Variants in HS6ST3 observed in about 807,000 individuals in gnomAD.
The protein encoded by HS6ST3 is heparan sulfate 6-O-sulfotransferase 3.
Under a neutral mutation model 36.7 loss-of-function variants are expected in HS6ST3, and 12 were observed. That is an observed-to-expected ratio of 0.33 (90% CI 0.21 to 0.53). The LOEUF is 0.53. HS6ST3 is among the 20% of genes least tolerant of loss of function. The pLI is 0.95. For synonymous variants in HS6ST3, 240 were observed against 257.5 expected (o/e 0.93, Z 0.65); for missense variants, 584 against 640.9 (o/e 0.91, Z 0.96).
intron 1 of HS6ST3, among the ~76,000 whole-genome samples, chr13:96,160,406 A>G (rs542242386): frequency 6.6e-6 from 1 of 152,120 alleles, no homozygotes; most frequent in East Asian, 1.9e-4. Flanking sequence ...TTGAAACAGA[A>G]CTCTGTGGAT....
intron 1 of HS6ST3, among the ~76,000 whole-genome samples, chr13:96,548,280 C>T (rs908463702): frequency 7.2e-5 from 11 of 152,122 alleles, no homozygotes; most frequent in African/African-American, 2.4e-4. Context: ...CCAGACGCAC[C>T]TTGCTTATCC....
chr13:96,468,833 G>A (rs17189979), intron 1 of HS6ST3, among the ~76,000 whole-genome samples: 47,964 of 151,988 alleles, frequency 0.32, 9,367 homozygotes, highest in Non-Finnish European at 0.44. Flanking sequence ...AAGAAGATAC[G>A]CCTTCACTGA....
At chr13:96,435,745 A>T (rs2055638497) in intron 1 of HS6ST3, among the ~76,000 whole-genome samples, 1 of 152,112 alleles carries the variant, frequency 6.6e-6, no homozygotes, top group South Asian at 2.1e-4. Flanking sequence ...TGATCTTTAA[A>T]CAAGCAAACA....
At chr13:96,486,253 G>A (rs1368292210) in intron 1 of HS6ST3, among the ~76,000 whole-genome samples, 2 of 151,870 alleles carry the variant, frequency 1.3e-5, no homozygotes, top group Non-Finnish European at 2.9e-5. Flanking sequence ...TTTTCTTGAT[G>A]CAGTCTATCA....
intron 1 of HS6ST3, among the ~76,000 whole-genome samples, chr13:96,244,259 A>C (rs886592842): frequency 6.6e-6 from 1 of 152,194 alleles, no homozygotes; most frequent in Non-Finnish European, 1.5e-5. Flanking sequence ...ACTGCAACTG[A>C]GATTAGATAA....
intron 1 of HS6ST3, among the ~76,000 whole-genome samples, chr13:96,693,311 A>G (rs1875025206): frequency 1.3e-5 from 2 of 151,916 alleles, no homozygotes; most frequent in Non-Finnish European, 2.9e-5. Flanking sequence ...TATTATTATT[A>G]TTATTATTTT....
chr13:96,485,328 ATT>A (rs142244942), intron 1 of HS6ST3, among the ~76,000 whole-genome samples: 4 of 151,128 alleles, frequency 2.6e-5, no homozygotes, highest in African/African-American at 9.7e-5. Context: ...ATACCAAAAT[ATT>A]TTTTTTTAGG....
intron 1 of HS6ST3, among the ~76,000 whole-genome samples, chr13:96,581,233 T>TC (rs1639547109): frequency 6.6e-6 from 1 of 151,780 alleles, no homozygotes; most frequent in Non-Finnish European, 1.5e-5. Flanking sequence ...TTTTTTTTTT[T>TC]TTTTGAGACG....
intron 1 of HS6ST3, among the ~76,000 whole-genome samples, chr13:96,253,825 C>A (rs991284776): frequency 6.6e-6 from 1 of 152,112 alleles, no homozygotes; most frequent in Non-Finnish European, 1.5e-5. Flanking sequence ...TCCCTAATAT[C>A]ATGGGCTTTT....
chr13:96,385,753 A>C (rs748311001), intron 1 of HS6ST3, among the ~76,000 whole-genome samples: 1 of 152,238 alleles, frequency 6.6e-6, no homozygotes, highest in Non-Finnish European at 1.5e-5. Flanking sequence ...TTATAGTAAT[A>C]ATAAGAATTC....
At chr13:96,541,967 A>T (rs917592287) in intron 1 of HS6ST3, among the ~76,000 whole-genome samples, 1 of 152,096 alleles carries the variant, frequency 6.6e-6, no homozygotes, top group Admixed American at 6.5e-5. Flanking sequence ...CATAGTGTAC[A>T]TTTTCTGGGA....
rs554809000 is a variant in HS6ST3, at chr13:96,661,174, A to G, written c.708-171316A>G. Among the ~76,000 whole-genome samples the G allele has an allele frequency of 5.9e-5, 9 of 152,220 alleles. No individual in the cohort carries two copies. In the South Asian group the frequency reaches 1.9e-3, roughly 32 times the overall value. On this transcript the variant is annotated intron_variant, in intron 1 of 1. Coordinates refer to ENST00000376705, the MANE Select transcript of HS6ST3 (RefSeq NM_153456.4). ...GGCTTCCTTGCTCCTCAACTTGCAG[A>G]TGGCCTATCATGGGATTTTGATTAT...
At chr13:96,602,817 C>A (rs1447489904) in intron 1 of HS6ST3, among the ~76,000 whole-genome samples, 1 of 152,112 alleles carries the variant, frequency 6.6e-6, no homozygotes, top group East Asian at 1.9e-4. Flanking sequence ...CCAGGCCCAA[C>A]GTTGGAGTCC....
chr13:96,239,206 G>T (rs1048059129), intron 1 of HS6ST3, among the ~76,000 whole-genome samples: 1 of 152,120 alleles, frequency 6.6e-6, no homozygotes, highest in Non-Finnish European at 1.5e-5. Context: ...AGAAAGTTTG[G>T]GCACCTTTCA....
At chr13:96,205,992 G>C (rs543463704) in intron 1 of HS6ST3, among the ~76,000 whole-genome samples, 2 of 152,138 alleles carry the variant, frequency 1.3e-5, no homozygotes, top group East Asian at 3.9e-4. Context: ...AGAAATAAAG[G>C]GTATTCAAAT....
At chr13:96,378,406 A>G (rs1169166316) in intron 1 of HS6ST3, among the ~76,000 whole-genome samples, 1 of 152,164 alleles carries the variant, frequency 6.6e-6, no homozygotes, top group East Asian at 1.9e-4. Context: ...TAGGGAAACA[A>G]TCTTAGAAGA....
At chr13:96,187,611 G>A (rs2054270501) in intron 1 of HS6ST3, among the ~76,000 whole-genome samples, 1 of 152,120 alleles carries the variant, frequency 6.6e-6, no homozygotes, top group Admixed American at 6.5e-5. Flanking sequence ...AATATTGGCT[G>A]TAGACTGCTG....
intron 1 of HS6ST3, among the ~76,000 whole-genome samples, chr13:96,404,214 A>G (rs1469716738): frequency 6.6e-6 from 1 of 152,138 alleles, no homozygotes; most frequent in Non-Finnish European, 1.5e-5. Context: ...TTTAAATCAC[A>G]TTTTATTTTT....
chr13:96,527,079 G>C (rs546666318), intron 1 of HS6ST3, among the ~76,000 whole-genome samples: 55 of 105,000 alleles, frequency 5.2e-4, no homozygotes, highest in African/African-American at 1.6e-3. Flanking sequence ...ATTATATATT[G>C]GTTCACTTTT....
Sources: gnomAD v4.1 joint callset for allele counts (sites outside exome capture counted in the v4.1 genomes callset) on GRCh38, gnomAD v4.1.1 for gene constraint, MANE v1.5 for transcripts, NCBI Gene and HGNC (gene_info 2026-07-23, HGNC 2026-07-21) for gene names.